LHFPL6: variants seen among roughly 807,000 people sequenced by gnomAD.
LHFPL6 encodes LHFPL tetraspan subfamily member 6 protein.
A neutral mutation model predicts 20.6 loss-of-function variants in LHFPL6; 9 were observed. The observed-to-expected ratio is 0.44, with a 90% confidence interval of 0.26 to 0.76. The LOEUF is 0.76. Among genes scored for constraint, LHFPL6 ranks in the 30% least tolerant of loss-of-function variants. LHFPL6 has a pLI of 0.20. For missense variants in LHFPL6, 218 were observed against 253.5 expected, an observed-to-expected ratio of 0.86 and a Z score of 0.95; for synonymous variants, 105 against 98.7, an observed-to-expected ratio of 1.06 and a Z score of -0.38.
intron 3 of LHFPL6, among the ~76,000 whole-genome samples, chr13:39,371,815 C>G (rs1870173615): frequency 6.6e-6 from 1 of 152,220 alleles, no homozygotes; most frequent in African/African-American, 2.4e-5. Context: ...TCCCTGGCAG[C>G]CATTATCCCT....
intron 2 of LHFPL6, among the ~76,000 whole-genome samples, chr13:39,464,700 CTTTTTT>C (rs57418375): frequency 1.5e-5 from 2 of 137,914 alleles, no homozygotes; most frequent in Non-Finnish European, 3.2e-5. Flanking sequence ...AAAGCACAGT[CTTTTTT>C]TTTTTTTTTT....
In LHFPL6 at chr13:39,343,791, T is replaced by C; in HGVS notation, c.*145A>G. 1.7e-6 allele frequency: 1 copy of C among 602,382 alleles called. No homozygotes were observed. Among genetic ancestry groups the C allele is most frequent in the Non-Finnish European group, 2.9e-6 (1 of 342,390 alleles). 37.3% of individuals were successfully genotyped at this position (602,382 alleles called of 1,614,324 possible). The stretch of plus-strand genomic sequence containing the variant: ...CCTACAATCCTTCCTTCCTATATCA[T>C]GTTCCTGATTTTATCGGGTTTCATT... On this transcript the variant is annotated 3_prime_UTR_variant, in exon 4 of 4. Coordinates refer to ENST00000379589, the MANE Select transcript of LHFPL6 (RefSeq NM_005780.3).
At chr13:39,473,357 A>C (rs1364956785) in intron 2 of LHFPL6, among the ~76,000 whole-genome samples, 1 of 150,310 alleles carries the variant, frequency 6.7e-6, no homozygotes, top group Non-Finnish European at 1.5e-5. Context: ...CACACACACA[A>C]ACACAAATAC....
At chr13:39,474,289 G>T (rs1406432394) in intron 2 of LHFPL6, among the ~76,000 whole-genome samples, 1 of 152,082 alleles carries the variant, frequency 6.6e-6, no homozygotes, top group Non-Finnish European at 1.5e-5. Context: ...CTATTTTATG[G>T]GTTTGTTTAA....
intron 2 of LHFPL6, among the ~76,000 whole-genome samples, chr13:39,502,305 C>T (rs1869318889): frequency 1.3e-5 from 2 of 152,080 alleles, no homozygotes; most frequent in Admixed American, 1.3e-4. Context: ...ATACAAGAGT[C>T]AACTCAGCAG....
At chr13:39,569,132 T>TGGATGGATGGAC (rs1184998600) in intron 2 of LHFPL6, among the ~76,000 whole-genome samples, 134 of 47,938 alleles carry the variant, frequency 2.8e-3, no homozygotes, top group African/African-American at 8.1e-3. Context: ...TAAACACGGA[T>TGGATGGATGGAC]GGATGGATGG....
intron 2 of LHFPL6, among the ~76,000 whole-genome samples, chr13:39,559,662 A>C (rs1282075749): frequency 6.6e-6 from 1 of 152,152 alleles, no homozygotes; most frequent in Non-Finnish European, 1.5e-5. Context: ...CTGCCTCAAG[A>C]AGCTCAAATC....
chr13:39,373,227 C>T (rs547506162), intron 3 of LHFPL6, among the ~76,000 whole-genome samples: 68 of 152,288 alleles, frequency 4.5e-4, no homozygotes, highest in African/African-American at 1.4e-3. Flanking sequence ...ACAGGCTGGA[C>T]GTTCCTAGGG....
At chr13:39,462,545 T>C (rs2138429883) in intron 2 of LHFPL6, among the ~76,000 whole-genome samples, 1 of 152,316 alleles carries the variant, frequency 6.6e-6, no homozygotes, top group Admixed American at 6.5e-5. Context: ...AAGTTATATA[T>C]CATTCAAGGG....
intron 2 of LHFPL6, among the ~76,000 whole-genome samples, chr13:39,460,724 T>G (rs2138428500): frequency 6.6e-6 from 1 of 152,242 alleles, no homozygotes; most frequent in East Asian, 1.9e-4. Context: ...AGCAGACATT[T>G]CATTTGCTCT....
At chr13:39,501,012 T>C (rs1375024962) in intron 2 of LHFPL6, among the ~76,000 whole-genome samples, 1 of 152,166 alleles carries the variant, frequency 6.6e-6, no homozygotes, top group Non-Finnish European at 1.5e-5. Flanking sequence ...TCTAACACAT[T>C]CCCAAGTGAT....
At chr13:39,451,926 ATG>A (rs746664779) in intron 2 of LHFPL6, among the ~76,000 whole-genome samples, 13 of 151,126 alleles carry the variant, frequency 8.6e-5, no homozygotes, top group African/African-American at 1.2e-4. Context: ...TACAGGAAAT[ATG>A]TGTGTGTGTG....
intron 2 of LHFPL6, among the ~76,000 whole-genome samples, chr13:39,536,936 G>C (rs1445897007): frequency 6.6e-6 from 1 of 152,170 alleles, no homozygotes; most frequent in Non-Finnish European, 1.5e-5. Flanking sequence ...TCTCCTCTCT[G>C]TACCTATTCT....
chr13:39,551,885 G>A (rs568824369), intron 2 of LHFPL6, among the ~76,000 whole-genome samples: 1 of 151,468 alleles, frequency 6.6e-6, no homozygotes, highest in Admixed American at 6.6e-5. Flanking sequence ...AGGGACAAAA[G>A]TAATATTTTT....
intron 2 of LHFPL6, among the ~76,000 whole-genome samples, chr13:39,399,732 G>A (rs533295906): frequency 4.6e-5 from 7 of 152,210 alleles, no homozygotes; most frequent in East Asian, 3.9e-4. Flanking sequence ...TGGCATCATC[G>A]GCACCTGAAA....
intron 1 of LHFPL6, among the ~76,000 whole-genome samples, chr13:39,602,559 G>C (rs1432811077): frequency 6.6e-6 from 1 of 152,046 alleles, no homozygotes; most frequent in African/African-American, 2.4e-5. Context: ...CCCTCGCCAA[G>C]ACAAGCCCAT....
chr13:39,507,022 C>T (rs1391104425), intron 2 of LHFPL6, among the ~76,000 whole-genome samples: 2 of 152,158 alleles, frequency 1.3e-5, no homozygotes, highest in East Asian at 1.9e-4. Flanking sequence ...TTTGTATAAA[C>T]ACGTTTGTGC....
At position 39,434,717 on chromosome 13, in the gene LHFPL6, C is replaced by T. The variant is rs1593311699; in HGVS notation, c.386-56191G>A. ...TGGCCATGTAGACTTCACCTCCACG[C>T]TTGCAATAAAAAAATGCCAATGTTA... On this transcript the variant is annotated intron_variant, in intron 2 of 3. Transcript: ENST00000379589. Among the ~76,000 whole-genome samples the T allele has an allele frequency of 2.0e-5, 3 of 152,208 alleles. No individual in the cohort carries two copies. The East Asian group carries it at 5.8e-4, about 29-fold the overall frequency.
intron 3 of LHFPL6, among the ~76,000 whole-genome samples, chr13:39,362,870 A>G (rs909781843): frequency 1.2e-4 from 18 of 152,336 alleles, no homozygotes; most frequent in African/African-American, 4.3e-4. Flanking sequence ...CAGGAGATGA[A>G]TAAGTGTGCA....
Sources: allele counts gnomAD v4.1 joint callset (sites outside exome capture counted in the v4.1 genomes callset), GRCh38; gene constraint gnomAD v4.1.1; transcripts MANE v1.5; gene names NCBI Gene and HGNC (gene_info 2026-07-23, HGNC 2026-07-21).